Variants in MAGI2 observed in about 807,000 individuals in gnomAD.
MAGI2 encodes membrane-associated guanylate kinase, WW and PDZ domain-containing protein 2.
MAGI2 carries 35 observed loss-of-function variants against 133.3 expected under a neutral mutation model. That is an observed-to-expected ratio of 0.26 (90% CI 0.20 to 0.35). MAGI2 has a LOEUF of 0.35. Ranked by LOEUF, MAGI2 falls within the 10% of genes least tolerant of loss-of-function variation. The pLI, the probability that MAGI2 is intolerant of heterozygous loss-of-function variation, is 1.00. For missense variants in MAGI2, 1,636 were observed against 1,863.4 expected (o/e 0.88, Z 2.25); for synonymous variants, 729 against 710.6 (o/e 1.03, Z -0.41).
chr7:78,939,036 C>G (rs1800765781), intron 2 of MAGI2, among the ~76,000 whole-genome samples: 1 of 152,160 alleles, frequency 6.6e-6, no homozygotes, highest in African/African-American at 2.4e-5. Context: ...CTCTGACTCC[C>G]AGGTTGGAAT....
chr7:78,161,145 A>G (rs1824933268), intron 15 of MAGI2, among the ~76,000 whole-genome samples: 1 of 152,186 alleles, frequency 6.6e-6, no homozygotes, highest in Non-Finnish European at 1.5e-5. Flanking sequence ...CCATCTTAAT[A>G]TAAAATACAC....
Position 79,393,264 on chromosome 7 carries a change from C to T in MAGI2, c.301+59756G>A, listed in dbSNP as rs1400450969. On this transcript the variant is annotated intron_variant, in intron 1 of 21. Coordinates refer to ENST00000354212, the MANE Select transcript of MAGI2 (RefSeq NM_012301.4). ...CAGTAACAACAGTTTAAGAACTCTA[C>T]ATCAGAGAGACTGCATAAGTAAAAT... is the stretch of plus-strand genomic sequence containing the variant. 3.3e-5 allele frequency among the ~76,000 whole-genome samples: 5 copies of T among 152,144 alleles called. No homozygotes were observed. The East Asian group carries it at 7.7e-4, about 23-fold the overall frequency.
chr7:78,628,126 G>C (rs1808565811), intron 2 of MAGI2, among the ~76,000 whole-genome samples: 1 of 152,226 alleles, frequency 6.6e-6, no homozygotes, highest in Admixed American at 6.5e-5. Flanking sequence ...ATGCTGTCCA[G>C]TTTGTGAGGC....
At chr7:78,486,782 A>C (rs1793059305) in intron 6 of MAGI2, 5 of 419,032 alleles carry the variant, frequency 1.2e-5, no homozygotes, top group Non-Finnish European at 2.3e-5. Flanking sequence ...GTCAAGTTTG[A>C]AATTCCTATC....
chr7:78,597,245 G>T (rs928225128), intron 3 of MAGI2, among the ~76,000 whole-genome samples: 5 of 152,004 alleles, frequency 3.3e-5, no homozygotes, highest in African/African-American at 1.2e-4. Flanking sequence ...TTATTTCTGA[G>T]CATATTCCAA....
At chr7:79,230,865 C>T (rs1297688358) in intron 1 of MAGI2, among the ~76,000 whole-genome samples, 4 of 144,226 alleles carry the variant, frequency 2.8e-5, no homozygotes, top group South Asian at 4.5e-4. Context: ...GAAGTCCTTG[C>T]CCATGCCTAT....
chr7:78,183,516 G>C (rs190056289), intron 13 of MAGI2, among the ~76,000 whole-genome samples: 2 of 151,988 alleles, frequency 1.3e-5, no homozygotes, highest in African/African-American at 4.8e-5. Flanking sequence ...TGCCAGACTC[G>C]GCCTCCCAAA....
At chr7:78,053,606 T>G (rs1205714012) in intron 21 of MAGI2, among the ~76,000 whole-genome samples, 1 of 152,238 alleles carries the variant, frequency 6.6e-6, no homozygotes, top group Non-Finnish European at 1.5e-5. Context: ...CACCTTTCCT[T>G]TATTTTCTCT....
At chr7:78,458,501 T>C (rs1789588110) in intron 6 of MAGI2, among the ~76,000 whole-genome samples, 1 of 152,142 alleles carries the variant, frequency 6.6e-6, no homozygotes, top group Non-Finnish European at 1.5e-5. Flanking sequence ...GGTGTGTGCA[T>C]ATATAAGTTT....
At chr7:79,038,993 T>C (rs984741050) in intron 1 of MAGI2, among the ~76,000 whole-genome samples, 3 of 152,208 alleles carry the variant, frequency 2.0e-5, no homozygotes, top group Non-Finnish European at 4.4e-5. Flanking sequence ...TTACATAAAT[T>C]GCTTTTCAAT....
At chr7:78,678,925 G>A (rs1415189326) in intron 2 of MAGI2, among the ~76,000 whole-genome samples, 1 of 151,948 alleles carries the variant, frequency 6.6e-6, no homozygotes, top group African/African-American at 2.4e-5. Flanking sequence ...TTTCAAAAAA[G>A]ATCCCTCTCC....
At chr7:78,758,265 T>G (rs1226153900) in intron 2 of MAGI2, among the ~76,000 whole-genome samples, 5 of 138,222 alleles carry the variant, frequency 3.6e-5, no homozygotes, top group African/African-American at 1.0e-4. Flanking sequence ...CAAGACAGGG[T>G]TTTTTTTTCT....
At chr7:78,688,687 C>G (rs899483691) in intron 2 of MAGI2, among the ~76,000 whole-genome samples, 1 of 152,192 alleles carries the variant, frequency 6.6e-6, no homozygotes, top group Non-Finnish European at 1.5e-5. Flanking sequence ...ACAATAAGCA[C>G]TGGCTCCTTT....
chr7:79,072,108 T>C (rs1815044781), intron 1 of MAGI2, among the ~76,000 whole-genome samples: 1 of 152,092 alleles, frequency 6.6e-6, no homozygotes, highest in Admixed American at 6.6e-5. Context: ...CAGCTTGCCC[T>C]CCATGGGCTG....
chr7:78,117,907 CAGG>C (rs1156459750), intron 20 of MAGI2, among the ~76,000 whole-genome samples: 3 of 152,012 alleles, frequency 2.0e-5, no homozygotes, highest in Non-Finnish European at 2.9e-5. Flanking sequence ...ATACTATAGC[CAGG>C]AGAAGAATAA....
intron 2 of MAGI2, among the ~76,000 whole-genome samples, chr7:78,677,369 A>G (rs1815162520): frequency 6.6e-6 from 1 of 151,576 alleles, no homozygotes. Flanking sequence ...TAGTAACATA[A>G]TTTAGATTTA....
chr7:79,031,703 C>T (rs924376653), intron 1 of MAGI2, among the ~76,000 whole-genome samples: 10 of 151,880 alleles, frequency 6.6e-5, no homozygotes, highest in East Asian at 3.9e-4. Flanking sequence ...TTTGGCTTCC[C>T]GATGTAAAAT....
chr7:78,332,243 G>A (rs550253492), intron 9 of MAGI2, among the ~76,000 whole-genome samples: 9 of 152,352 alleles, frequency 5.9e-5, no homozygotes, highest in African/African-American at 2.2e-4. Context: ...AATAGCATTT[G>A]GGTTACAAAG....
At chr7:78,164,815 A>G (rs1289459143) in intron 15 of MAGI2, among the ~76,000 whole-genome samples, 2 of 152,256 alleles carry the variant, frequency 1.3e-5, no homozygotes, top group Non-Finnish European at 1.5e-5. Flanking sequence ...GAAATTCCTC[A>G]GAGACATGGT....
Sources: gnomAD v4.1 joint callset for allele counts (sites outside exome capture counted in the v4.1 genomes callset) on GRCh38, gnomAD v4.1.1 for gene constraint, MANE v1.5 for transcripts, NCBI Gene and HGNC (gene_info 2026-07-23, HGNC 2026-07-21) for gene names.